SYNE2: variants seen among roughly 807,000 people sequenced by gnomAD.
The protein encoded by SYNE2 is spectrin repeat containing nuclear envelope protein 2, also known as nesprin-2.
Under a neutral mutation model 856.3 loss-of-function variants are expected in SYNE2, and 431 were observed. The ratio of observed to expected loss-of-function variants is 0.50; its 90% CI spans 0.47 to 0.55. The LOEUF is 0.55. SYNE2 is among the 20% of genes least tolerant of loss of function. The pLI is 0.00. For missense variants in SYNE2, 8,129 were observed against 8,023.2 expected (o/e 1.01, Z -0.50); for synonymous variants, 2,923 against 2,872.3 (o/e 1.02, Z -0.56).
rs187276124 is a variant in SYNE2 at position 64,091,144 on chromosome 14, A to G, written c.11976+96A>G. The stretch of plus-strand genomic sequence containing the variant: ...TCTAATTGAAATTCATTATTATCCT[A>G]TTATTGTAGGAGGTGGCATTTGATA... On this transcript the variant is annotated intron_variant, in intron 60 of 115. Transcript: ENST00000555002. 6.9e-5 allele frequency: 79 copies of G among 1,148,874 alleles called. No individual in the cohort carries two copies. The South Asian group carries it at 7.3e-4, about 11-fold the overall frequency. 71.2% of individuals were successfully genotyped at this position (1,148,874 alleles called of 1,614,324 possible).
intron 1 of SYNE2, among the ~76,000 whole-genome samples, chr14:63,785,776 C>G (rs977428571): frequency 6.6e-6 from 1 of 152,124 alleles, no homozygotes; most frequent in African/African-American, 2.4e-5. Flanking sequence ...TATACACACA[C>G]TTGGTTTAAA....
intron 11 of SYNE2, among the ~76,000 whole-genome samples, chr14:63,971,448 A>T (rs2096475910): frequency 1.3e-5 from 2 of 151,948 alleles, no homozygotes; most frequent in South Asian, 4.2e-4. Flanking sequence ...TTATTGTACA[A>T]CTTTTTGTAA....
chr14:64,096,477 G>A (rs1463219051), intron 61 of SYNE2, among the ~76,000 whole-genome samples: 2 of 152,174 alleles, frequency 1.3e-5, no homozygotes, highest in Admixed American at 6.5e-5. Context: ...CTCCATGTAG[G>A]ACTGTGCCTC....
intron 43 of SYNE2, among the ~76,000 whole-genome samples, 191 bp downstream of exon 43, chr14:64,027,984 G>A (rs368971606): frequency 1.3e-5 from 2 of 152,032 alleles, no homozygotes; most frequent in African/African-American, 4.8e-5. Flanking sequence ...TCAGCTCACT[G>A]CAGTGTCAAC....
intron 1 of SYNE2, among the ~76,000 whole-genome samples, chr14:63,908,743 AT>A (rs1478134395): frequency 3.9e-5 from 6 of 152,228 alleles, no homozygotes; most frequent in Non-Finnish European, 5.9e-5. Context: ...TAACAATCAC[AT>A]AACACTAATG....
intron 76 of SYNE2, among the ~76,000 whole-genome samples, chr14:64,131,488 G>A (rs969730044): frequency 2.0e-5 from 3 of 152,198 alleles, no homozygotes; most frequent in African/African-American, 7.2e-5. Context: ...TTTCGAATAT[G>A]TGGGTTGCTT....
chr14:63,790,992 C>T (rs533529485), intron 1 of SYNE2, among the ~76,000 whole-genome samples: 90 of 152,028 alleles, frequency 5.9e-4, no homozygotes, highest in Non-Finnish European at 9.6e-4. Flanking sequence ...CAGAGTCTCG[C>T]TGTCGCCCAG....
At position 63,769,387 on chromosome 14, in the gene SYNE2, G is replaced by A. The variant is rs113907516; in HGVS notation, c.-305+7401G>A. On this transcript the variant is annotated intron_variant, in intron 1 of 23. Transcript: ENST00000674003. ...CTCAGGAGTTCAAGACTCACCTGGA[G>A]ACCAGGCACAGTGGCTCACGCCTGT... is the stretch of plus-strand genomic sequence containing the variant. Among the ~76,000 whole-genome samples the A allele has an allele frequency of 5.2e-3, 790 of 152,284 alleles. 5 individuals are homozygous for A. Among genetic ancestry groups the A allele is most frequent in the African/African-American group, 0.017 (726 of 41,562 alleles).
Position 64,130,134 on chromosome 14 carries a change from T to C in SYNE2, c.14226T>C (p.Ala4742=), listed in dbSNP as rs761289410. The change falls in exon 76 of 116, where the codon GCT becomes GCC. Residue 4742 remains alanine, a synonymous_variant. Transcript: ENST00000555002. ...SPFVTESQQD[A]LLQGMVELVK... Reference sequence around the variant, plus strand: ...TCGTCACTGAGAGCCAGCAAGATGCTTTGTTGCAAGGCATGGTGGAACTGG... The same window carrying C: ...TCGTCACTGAGAGCCAGCAAGATGCCTTGTTGCAAGGCATGGTGGAACTGG... 5.0e-6 allele frequency: 8 copies of C among 1,614,170 alleles called. No individual in the cohort carries two copies. In the East Asian group the frequency reaches 1.6e-4, roughly 31 times the overall value.
At chr14:63,799,395 CTTTTT>C (rs79092707) in intron 1 of SYNE2, among the ~76,000 whole-genome samples, 3 of 128,448 alleles carry the variant, frequency 2.3e-5, no homozygotes, top group African/African-American at 2.8e-5. Context: ...TGTTTTAAAA[CTTTTT>C]TTTTTTTTTT....
chr14:64,098,699 T>A, intron 62 of SYNE2, 48 bp from the exon 63 acceptor site: 11 of 1,593,452 alleles, frequency 6.9e-6, no homozygotes, highest in Non-Finnish European at 9.5e-6. Context: ...ATCTTGGTGA[T>A]GTTGACTGGC....
At chr14:63,813,863 C>G (rs1888715633) in intron 1 of SYNE2, among the ~76,000 whole-genome samples, 1 of 152,058 alleles carries the variant, frequency 6.6e-6, no homozygotes, top group Non-Finnish European at 1.5e-5. Flanking sequence ...ACCAGCCTGG[C>G]CAATATGGTG....
chr14:63,924,427 T>C (rs551821867), intron 2 of SYNE2, among the ~76,000 whole-genome samples: 1 of 152,346 alleles, frequency 6.6e-6, no homozygotes, highest in Admixed American at 6.5e-5. Flanking sequence ...AGGAATTGCA[T>C]TGAGTCTGTA....
At chr14:63,785,844 A>G (rs1327843991) in intron 1 of SYNE2, among the ~76,000 whole-genome samples, 1 of 151,978 alleles carries the variant, frequency 6.6e-6, no homozygotes, top group African/African-American at 2.4e-5. Flanking sequence ...GGTGGCTCAC[A>G]CCTGTAGGTC....
chr14:64,026,961 T>A (rs1301021878), intron 42 of SYNE2, among the ~76,000 whole-genome samples: 1 of 152,210 alleles, frequency 6.6e-6, no homozygotes, highest in Non-Finnish European at 1.5e-5. Flanking sequence ...TTTAAGAAAT[T>A]CTTAAATATG....
intron 1 of SYNE2, among the ~76,000 whole-genome samples, chr14:63,765,029 C>T (rs1886620943): frequency 1.3e-5 from 2 of 152,172 alleles, no homozygotes; most frequent in Non-Finnish European, 2.9e-5. Flanking sequence ...TACGTGTCAT[C>T]ATCCTCAGGA....
intron 3 of SYNE2, among the ~76,000 whole-genome samples, chr14:63,941,480 G>T (rs1331441005): frequency 6.6e-6 from 1 of 152,176 alleles, no homozygotes; most frequent in Admixed American, 6.5e-5. Flanking sequence ...CGCAGAAAGG[G>T]TGTTGTGTTA....
At position 64,169,453 on chromosome 14, in the gene SYNE2, G is replaced by T. The variant is rs79841710; in HGVS notation, c.17000+482G>T. Among the ~76,000 whole-genome samples, 26 of 152,344 alleles carry T rather than the reference G, an allele frequency of 1.7e-4. 1 individual carries two copies. The highest frequency in any genetic ancestry group is 3.4e-3 in the Middle Eastern group (1 of 294). Reference sequence around the variant, plus strand: ...AGGGTCACTGGGCAGTGCCAATCAGGCTGAACAGAGCACCTTTGGCCAGTC... The same window carrying T: ...AGGGTCACTGGGCAGTGCCAATCAGTCTGAACAGAGCACCTTTGGCCAGTC... On this transcript the variant is annotated intron_variant, in intron 93 of 115. Coordinates refer to ENST00000555002, the MANE Select transcript of SYNE2 (RefSeq NM_182914.3).
intron 6 of SYNE2, among the ~76,000 whole-genome samples, chr14:63,948,803 TATA>T (rs2096095012): frequency 3.0e-5 from 3 of 99,904 alleles, no homozygotes; most frequent in Non-Finnish European, 6.5e-5. Context: ...TATATATATA[TATA>T]TATATATATA....
Sources: gnomAD v4.1 joint callset for allele counts (sites outside exome capture counted in the v4.1 genomes callset) on GRCh38, gnomAD v4.1.1 for gene constraint, MANE v1.5 for transcripts, NCBI Gene and HGNC (gene_info 2026-07-23, HGNC 2026-07-21) for gene names.